The following PRRC2B variants were observed in gnomAD, a reference collection of about 807,000 sequenced individuals.
PRRC2B encodes the protein protein PRRC2B.
Under a neutral mutation model 242.3 loss-of-function variants are expected in PRRC2B, and 68 were observed. The ratio of observed to expected loss-of-function variants is 0.28; its 90% confidence interval spans 0.23 to 0.34. PRRC2B has a LOEUF of 0.34. PRRC2B is among the 10% of genes least tolerant of loss of function. The pLI is 1.00. For synonymous variants in PRRC2B, 1,228 were observed against 1,173.6 expected (o/e 1.05, Z -0.95); for missense variants, 2,835 against 2,954.8 (o/e 0.96, Z 0.94).
intron 4 of PRRC2B, among the ~76,000 whole-genome samples, chr9:131,437,544 C>G (rs1838414443): frequency 6.6e-6 from 1 of 152,162 alleles, no homozygotes; most frequent in African/African-American, 2.4e-5. Flanking sequence ...ATCTCATATT[C>G]ACCAGCTCTC....
At chr9:131,421,444 C>G (rs1174202685) in intron 1 of PRRC2B, among the ~76,000 whole-genome samples, 2 of 152,340 alleles carry the variant, frequency 1.3e-5, no homozygotes, top group East Asian at 3.9e-4. Context: ...TGGCCACGTC[C>G]TTTTCTGGCC....
rs200395505 is a variant in PRRC2B at position 131,476,263 on chromosome 9, C to T, written c.4134C>T (p.Ser1378=). 778 of 1,611,086 alleles carry T rather than the reference C, an allele frequency of 4.8e-4. No individual in the cohort carries two copies. Among genetic ancestry groups the T allele is most frequent in the Admixed American group, 5.5e-4 (33 of 59,524 alleles). ...DHANEEWETA[S]ESSDFSERRE... is the part of the protein sequence containing the mutation. ...CCAATGAGGAGTGGGAGACGGCCTC[C>T]GAAAGCAGCGACTTCAGCGAGCGGC... Residue 1378 remains serine (S), a synonymous_variant, in exon 16 of 32, where the codon TCC becomes TCT. Coordinates refer to ENST00000683519, the MANE Select transcript of PRRC2B (RefSeq NM_013318.4).
intron 1 of PRRC2B, among the ~76,000 whole-genome samples, chr9:131,415,067 ACTGTAACCTC>A (rs1837610945): frequency 6.6e-6 from 1 of 151,798 alleles, no homozygotes; most frequent in Admixed American, 6.6e-5. Context: ...ATCTCGGTTC[ACTGTAACCTC>A]TGCCTCACAG....
chr9:131,459,271 G>A lies in PRRC2B; in HGVS notation c.1319G>A (p.Gly440Asp), dbSNP rs907537171. 1.2e-6 allele frequency: 2 copies of A among 1,613,852 alleles called. No homozygotes were observed. Among genetic ancestry groups the A allele is most frequent in the Non-Finnish European group, 1.7e-6 (2 of 1,179,892 alleles). ...GGGAAGGACTGGGCTGAAGCAGTGG[G>A]TGCGTCCCGTGTGGTCCGAAAGGCG... ...EEGKDWAEAV[G>D]ASRVVRKAPD... Residue 440 changes from glycine to aspartate, a missense_variant, in exon 11 of 32, where the codon GGT (glycine) becomes GAT (aspartate). By Grantham distance (94) the Gly-to-Asp change is moderately conservative. Coordinates refer to ENST00000683519, the MANE Select transcript of PRRC2B (RefSeq NM_013318.4).
At position 131,474,183 on chromosome 9, in the gene PRRC2B, G is replaced by A. The variant is rs181653165; in HGVS notation, c.2325-271G>A. On this transcript the variant is annotated intron_variant, in intron 15 of 31. Transcript: ENST00000683519. ...AGGGGGCACACCGTACCCAGCCTGC[G>A]GCCACGACAGTCTTCACTCTCAAGG... Among the ~76,000 whole-genome samples the A allele has an allele frequency of 1.7e-3, 263 of 152,206 alleles. 2 individuals carry two copies. Among genetic ancestry groups the A allele is most frequent in the African/African-American group, 6.0e-3 (250 of 41,536 alleles).
chr9:131,485,721 A>T, intron 25 of PRRC2B: 1 of 565,924 alleles, frequency 1.8e-6, no homozygotes, highest in Non-Finnish European at 3.4e-6. Context: ...ACTCAATAGC[A>T]GGGAGATGAA....
rs755859078 is a variant in PRRC2B at position 131,473,627 on chromosome 9, G to T, written c.2227G>T (p.Val743Leu). Residue 743 changes from valine to leucine, a missense_variant, in exon 15 of 32, where the codon GTG (valine) becomes TTG (leucine). Transcript: ENST00000683519. The part of the protein sequence containing the change: ...RKVTPIDSPP[V>L]WSPEGYMALQ... ...AGTGACCCCCATCGACTCACCCCCT[G>T]TGTGGAGCCCAGAGGGCTACATGGC... 2.7e-5 allele frequency: 44 copies of T among 1,613,776 alleles called. No individual in the cohort carries two copies. The Middle Eastern group carries it at 6.6e-4, about 24-fold the overall frequency.
In PRRC2B at chr9:131,475,856, G is replaced by A. The variant is rs748403259; in HGVS notation, c.3727G>A (p.Asp1243Asn). 6 of 1,613,530 alleles carry A rather than the reference G, an allele frequency of 3.7e-6. No homozygotes were observed. In the African/African-American group the frequency reaches 4.0e-5, roughly 11 times the overall value. The stretch of plus-strand genomic sequence containing the variant: ...CTCTTGGCAGGAATATGGCCCTTCC[G>A]ACACATGCGGATCCCGGCGACCTAC... ...GSSWQEYGPSDTCGSRRPTDR... is the reference protein window; with the variant it reads ...GSSWQEYGPSNTCGSRRPTDR... Residue 1243 changes from aspartate to asparagine, a missense_variant, in exon 16 of 32, where the codon GAC (aspartate) becomes AAC (asparagine). Physicochemically the swap from Asp to Asn is conservative, Grantham distance 23. This residue lies in a region of PRRC2B where 1,536 missense variants were observed against 1,483.1 expected (regional missense o/e 1.04). Transcript: ENST00000683519.
At chr9:131,454,977 C>T (rs1351977706) in intron 9 of PRRC2B, 99 bp from the exon 10 acceptor site, 6 of 870,988 alleles carry the variant, frequency 6.9e-6, no homozygotes, top group Non-Finnish European at 1.1e-5. Context: ...CCACCTCAGC[C>T]TCGCAAAGTA....
chr9:131,468,187 A>AAG (rs1441790412), intron 13 of PRRC2B, among the ~76,000 whole-genome samples: 1 of 152,164 alleles, frequency 6.6e-6, no homozygotes, highest in African/African-American at 2.4e-5. Flanking sequence ...GAGCTGTTTG[A>AAG]AGAGCTGCCC....
chr9:131,482,880 A>G lies in PRRC2B; in HGVS notation c.5346A>G (p.Pro1782=), dbSNP rs779793129. 6.2e-7 allele frequency: 1 copy of G among 1,607,732 alleles called. No homozygotes were observed. ...ACGTGGACTCCGTGCTGCCTGTGCC[A>G]CCCATTGAATTTGGAGTCAGTCCAA... ...EIHVDSVLPV[P]PIEFGVSPKD... Residue 1782 remains proline, a synonymous_variant, in exon 22 of 32, where the codon CCA becomes CCG. Coordinates refer to ENST00000683519, the MANE Select transcript of PRRC2B (RefSeq NM_013318.4). This position sits in a 1 kb window ranked among gnomAD's most constrained non-coding sequence, Gnocchi z 5.2.
At chr9:131,410,453 T>C (rs1387884160) in intron 1 of PRRC2B, among the ~76,000 whole-genome samples, 1 of 152,150 alleles carries the variant, frequency 6.6e-6, no homozygotes, top group Non-Finnish European at 1.5e-5. Context: ...GGTGGGGCCA[T>C]TCTCTGGGGC....
intron 1 of PRRC2B, among the ~76,000 whole-genome samples, chr9:131,420,454 T>TTTCC (rs1837778512): frequency 1.2e-4 from 1 of 8,024 alleles, no homozygotes; most frequent in Non-Finnish European, 7.0e-4. Flanking sequence ...TCTTTTTCTT[T>TTTCC]TTCTTTCTTT....
chr9:131,413,171 C>T (rs1837549820), intron 1 of PRRC2B, among the ~76,000 whole-genome samples: 1 of 152,156 alleles, frequency 6.6e-6, no homozygotes, highest in South Asian at 2.1e-4. Flanking sequence ...TAGGTCATAG[C>T]CTGTTCCTTT....
At chr9:131,419,964 C>T (rs1288336787) in intron 1 of PRRC2B, among the ~76,000 whole-genome samples, 7 of 152,062 alleles carry the variant, frequency 4.6e-5, no homozygotes, top group African/African-American at 1.7e-4. Context: ...GGAGGGGACC[C>T]AGCTGACCAT....
intron 5 of PRRC2B, among the ~76,000 whole-genome samples, chr9:131,440,584 A>C (rs1344042852): frequency 2.6e-5 from 4 of 152,236 alleles, no homozygotes; most frequent in African/African-American, 9.6e-5. Flanking sequence ...ATTGCTCTAC[A>C]AATTATACTC....
In PRRC2B at chr9:131,430,240, A is replaced by G. The variant is rs897207874; in HGVS notation, c.96A>G (p.Val32=). ...SLFDKYKGKS[V]DAIRSSVIPR... The stretch of plus-strand genomic sequence containing the variant: ...TTGATAAGTATAAAGGAAAATCAGT[A>G]GACGCGATTAGATCCTCAGGTAAGG... Residue 32 remains valine (V), a synonymous_variant, in exon 2 of 32, where the codon GTA becomes GTG. Coordinates refer to ENST00000683519, the MANE Select transcript of PRRC2B (RefSeq NM_013318.4). 2 of 1,594,262 alleles carry G rather than the reference A, an allele frequency of 1.3e-6. No homozygotes were observed. The highest frequency in any genetic ancestry group is 1.7e-6 in the Non-Finnish European group (2 of 1,169,140).
At position 131,475,641 on chromosome 9, in the gene PRRC2B, A is replaced by C. The variant is rs1943670302; in HGVS notation, c.3512A>C (p.Lys1171Thr). The C allele has an allele frequency of 6.2e-7, 1 of 1,611,258 alleles. No individual in the cohort carries two copies. Among genetic ancestry groups the C allele is most frequent in the Non-Finnish European group, 8.5e-7 (1 of 1,178,878 alleles). ...GAGAGGGAGGAGAGCACCTTGAAGAAGGGCGACTGCAGAGATTCTTGGCGG... is the reference window on the plus strand; with the variant it reads ...GAGAGGGAGGAGAGCACCTTGAAGACGGGCGACTGCAGAGATTCTTGGCGG... ...LLEREESTLKKGDCRDSWRSN... is the reference protein window; with the variant it reads ...LLEREESTLKTGDCRDSWRSN... Residue 1171 changes from lysine (K) to threonine (T), a missense_variant, in exon 16 of 32, where the codon AAG becomes ACG. This residue lies in a region of PRRC2B where 1,536 missense variants were observed against 1,483.1 expected (regional missense o/e 1.04). Transcript: ENST00000683519.
rs796163764 is a variant in PRRC2B at position 131,445,165 on chromosome 9, CT to C, written c.613+849del. Among the ~76,000 whole-genome samples the C allele has an allele frequency of 4.4e-3, 644 of 145,522 alleles. 1 individual carries two copies. The highest frequency in any genetic ancestry group is 0.014 in the Middle Eastern group (4 of 280). ...CACACAGGACTGGTTTATTTTGCTG[CT>C]TTTTTTTTTTTGAGATGGAGTTTCG... On this transcript the variant is annotated intron_variant, in intron 6 of 31. Coordinates refer to ENST00000683519, the MANE Select transcript of PRRC2B (RefSeq NM_013318.4).
Sources: allele counts gnomAD v4.1 joint callset (sites outside exome capture counted in the v4.1 genomes callset), GRCh38; gene constraint gnomAD v4.1.1; regional missense constraint gnomAD v4.1.1; non-coding constraint Gnocchi (gnomAD v3.1); transcripts MANE v1.5; gene names NCBI Gene and HGNC (gene_info 2026-07-23, HGNC 2026-07-21).